Variants in DCHS2 observed in about 807,000 individuals in gnomAD.
The protein encoded by DCHS2 is dachsous cadherin-related 2.
In DCHS2, 142 loss-of-function variants were observed where a neutral mutation model predicts 182.4. The ratio of observed to expected loss-of-function variants is 0.78; its 90% confidence interval spans 0.68 to 0.89. The LOEUF (loss-of-function observed/expected upper bound fraction) is 0.89. Among genes scored for constraint, DCHS2 ranks in the 40% least tolerant of loss-of-function variants. DCHS2 has a pLI of 0.00. For synonymous variants in DCHS2, 1,740 were observed against 1,663.3 expected (o/e 1.05, Z -1.12); for missense variants, 4,319 against 4,198.6 (o/e 1.03, Z -0.79).
At chr4:154,424,074 G>C (rs1452937735) in intron 1 of DCHS2, among the ~76,000 whole-genome samples, 2 of 152,172 alleles carry the variant, frequency 1.3e-5, no homozygotes, top group African/African-American at 2.4e-5. Context: ...TGATGAATTA[G>C]TACTTAGTAA....
Position 154,236,864 on chromosome 4 carries a change from G to A in DCHS2, c.7788C>T (p.Asn2596=). ...AGAACTTAGTTTCCACATGAAAATTGTTCTGTGAATTACCACTGATGATGG... is the reference window on the plus strand; with the variant it reads ...AGAACTTAGTTTCCACATGAAAATTATTCTGTGAATTACCACTGATGATGG... ...EYSIISGNSQ[N]NFHVETKFFH... Residue 2596 remains asparagine (N), a synonymous_variant, in exon 20 of 20, where the codon AAC becomes AAT. Coordinates refer to ENST00000357232, the MANE Select transcript of DCHS2 (RefSeq NM_001358235.2). The A allele has an allele frequency of 6.2e-7, 1 of 1,614,040 alleles. No homozygotes were observed. The highest frequency in any genetic ancestry group is 2.2e-5 in the East Asian group (1 of 44,868).
chr4:154,320,904 C>T lies in DCHS2; in HGVS notation c.4495G>A (p.Asp1499Asn), dbSNP rs1456066054. 6.2e-7 allele frequency: 1 copy of T among 1,613,896 alleles called. No individual in the cohort carries two copies. The highest frequency in any genetic ancestry group is 8.5e-7 in the Non-Finnish European group (1 of 1,179,970). ...SLSSTVFLSI[D>N]VEDQNDHSPS... ...GAATGGTCATTCTGATCTTCCACATCGATACTAAGGAAGACTGTGCTACTC... is the reference window on the plus strand; with the variant it reads ...GAATGGTCATTCTGATCTTCCACATTGATACTAAGGAAGACTGTGCTACTC... Residue 1499 changes from aspartate to asparagine, a missense_variant, in exon 9 of 20, where the codon GAT becomes AAT. Physicochemically the swap from Asp to Asn is conservative, Grantham distance 23. Coordinates refer to ENST00000357232, the MANE Select transcript of DCHS2 (RefSeq NM_001358235.2).
At chr4:154,308,362 T>C (rs9995086) in intron 10 of DCHS2, among the ~76,000 whole-genome samples, 11,817 of 152,236 alleles carry the variant, frequency 0.078, 1,142 homozygotes, top group African/African-American at 0.23. Flanking sequence ...TGTTTCTCTA[T>C]GACATATTTT....
intron 2 of DCHS2, among the ~76,000 whole-genome samples, chr4:154,369,432 G>A (rs182324365): frequency 6.6e-5 from 10 of 152,292 alleles, no homozygotes; most frequent in Admixed American, 4.6e-4. Flanking sequence ...AACACAGTGC[G>A]GGAATAGCTG....
At chr4:154,291,723 T>A (rs1037743199) in intron 13 of DCHS2, among the ~76,000 whole-genome samples, 3 of 152,128 alleles carry the variant, frequency 2.0e-5, no homozygotes, top group African/African-American at 7.2e-5. Flanking sequence ...ATGTTCTCAC[T>A]TATTTGTAGG....
At chr4:154,479,922 G>A (rs931748307) in intron 1 of DCHS2, among the ~76,000 whole-genome samples, 6 of 152,172 alleles carry the variant, frequency 3.9e-5, no homozygotes, top group Admixed American at 3.3e-4. Flanking sequence ...CTTGTAAGAT[G>A]AGTCCAGGAA....
At chr4:154,441,461 A>G (rs1734008060) in intron 1 of DCHS2, among the ~76,000 whole-genome samples, 1 of 152,196 alleles carries the variant, frequency 6.6e-6, no homozygotes, top group African/African-American at 2.4e-5. Context: ...AGTATGCAAA[A>G]TATTTGTCAT....
intron 2 of DCHS2, among the ~76,000 whole-genome samples, chr4:154,370,769 C>T (rs1372120524): frequency 3.9e-5 from 6 of 152,136 alleles, no homozygotes; most frequent in Non-Finnish European, 8.8e-5. Flanking sequence ...TCTCCAAGTA[C>T]TTCAGCTGCT....
chr4:154,296,172 C>T (rs1252711699), intron 13 of DCHS2, among the ~76,000 whole-genome samples: 2 of 152,022 alleles, frequency 1.3e-5, no homozygotes, highest in Non-Finnish European at 2.9e-5. Flanking sequence ...ATCAAAGCAC[C>T]GGAAATGAAA....
chr4:154,428,858 G>A lies in DCHS2; in HGVS notation c.2053-51414C>T, dbSNP rs375855676. ...GTGGAGGTTGCAGAGAGCTGAGATCGCACCACTGCACTTCAGCCTGGGCCC... is the reference window on the plus strand; with the variant it reads ...GTGGAGGTTGCAGAGAGCTGAGATCACACCACTGCACTTCAGCCTGGGCCC... On this transcript the variant is annotated intron_variant, in intron 1 of 19. Transcript: ENST00000357232. 3.3e-5 allele frequency among the ~76,000 whole-genome samples: 5 copies of A among 152,024 alleles called. No individual in the cohort carries two copies. In the East Asian group the frequency reaches 5.8e-4, roughly 18 times the overall value.
At position 154,489,183 on chromosome 4, in the gene DCHS2, G is replaced by A. The variant is rs144139746; in HGVS notation, c.2052+121C>T. Reference sequence around the variant, plus strand: ...ATCTCACTGTAGAGGGGGCACTACCGCCAGTCTTGTATTTGAGAGCCGGAA... The same window carrying A: ...ATCTCACTGTAGAGGGGGCACTACCACCAGTCTTGTATTTGAGAGCCGGAA... On this transcript the variant is annotated intron_variant, in intron 1 of 19. Transcript: ENST00000357232. 27 of 862,088 alleles carry A rather than the reference G, an allele frequency of 3.1e-5. No homozygotes were observed. The East Asian group carries it at 5.2e-4, about 16-fold the overall frequency. The allele number at this position is 862,088 out of a possible 1,614,324, so 53.4% of individuals were successfully genotyped here.
rs1284099717 is a variant in DCHS2, at chr4:154,298,132, C to A, written c.6182G>T (p.Arg2061Ile). 6.2e-7 allele frequency: 1 copy of A among 1,614,106 alleles called. No homozygotes were observed. Among genetic ancestry groups the A allele is most frequent in the Non-Finnish European group, 8.5e-7 (1 of 1,180,010 alleles). The change falls in exon 13 of 20, where the codon AGA becomes ATA. Residue 2061 changes from arginine to isoleucine, a missense_variant. Coordinates refer to ENST00000357232, the MANE Select transcript of DCHS2 (RefSeq NM_001358235.2). ...GGGCCCCAAGTCCAGGTCATCAGCT[C>A]TCACAATGACAGTTGTCTGGTTTGT... is the stretch of plus-strand genomic sequence containing the variant. ...SPTNQTTVIV[R>I]ADDLDLGPNG...
At chr4:154,358,854 G>A (rs1729988747) in intron 3 of DCHS2, among the ~76,000 whole-genome samples, 1 of 151,304 alleles carries the variant, frequency 6.6e-6, no homozygotes, top group Non-Finnish European at 1.5e-5. Context: ...AAGTTGAGGG[G>A]CTAGAAAACA....
chr4:154,288,097 C>A (rs1734489796), intron 13 of DCHS2, among the ~76,000 whole-genome samples: 1 of 152,022 alleles, frequency 6.6e-6, no homozygotes, highest in East Asian at 1.9e-4. Context: ...CTGAATGTAA[C>A]TGGACTAAAC....
Position 154,333,361 on chromosome 4 carries a change from C to T in DCHS2, c.2847G>A (p.Thr949=), listed in dbSNP as rs777767833. ...DHETQPVVVL[T]VQAQLGSAPA... ...GGGCGCTGCCGAGCTGCGCCTGCAC[C>T]GTGAGCACAACCACGGGCTGCGTCT... The change falls in exon 5 of 20, where the codon ACG becomes ACA. Residue 949 remains threonine (T), a synonymous_variant. Coordinates refer to ENST00000357232, the MANE Select transcript of DCHS2 (RefSeq NM_001358235.2). 1 of 1,614,160 alleles carries T rather than the reference C, an allele frequency of 6.2e-7. No individual in the cohort carries two copies. Among genetic ancestry groups the T allele is most frequent in the Non-Finnish European group, 8.5e-7 (1 of 1,180,032 alleles).
At chr4:154,408,080 T>C (rs1228889734) in intron 1 of DCHS2, among the ~76,000 whole-genome samples, 1 of 152,182 alleles carries the variant, frequency 6.6e-6, no homozygotes, top group Non-Finnish European at 1.5e-5. Context: ...GTATTTGATA[T>C]GGAATTAACC....
intron 14 of DCHS2, among the ~76,000 whole-genome samples, chr4:154,263,686 GA>G (rs200534854): frequency 0.016 from 1,659 of 103,878 alleles, 26 homozygotes; most frequent in African/African-American, 0.042. Context: ...GGCCATTATT[GA>G]AAAAAAAAAA....
At chr4:154,486,150 CT>C (rs1231084167) in intron 1 of DCHS2, among the ~76,000 whole-genome samples, 3 of 152,162 alleles carry the variant, frequency 2.0e-5, no homozygotes, top group Non-Finnish European at 4.4e-5. Flanking sequence ...TTGTAAAAAC[CT>C]TTTGCAGCTA....
intron 1 of DCHS2, among the ~76,000 whole-genome samples, chr4:154,429,610 C>T (rs1733475461): frequency 6.6e-6 from 1 of 152,178 alleles, no homozygotes; most frequent in Admixed American, 6.5e-5. Flanking sequence ...CCCAGCTCTC[C>T]CAGTTTCTGC....
Sources: gnomAD v4.1 joint callset for allele counts (sites outside exome capture counted in the v4.1 genomes callset) on GRCh38, gnomAD v4.1.1 for gene constraint, MANE v1.5 for transcripts, NCBI Gene and HGNC (gene_info 2026-07-23, HGNC 2026-07-21) for gene names.